Variants in FAS observed in about 807,000 individuals in gnomAD.
The protein encoded by FAS is Fas cell surface death receptor.
Under a neutral mutation model 33.2 loss-of-function variants are expected in FAS, and 5 were observed. The ratio of observed to expected loss-of-function variants is 0.15; its 90% confidence interval spans 0.08 to 0.32. The LOEUF is 0.32. Ranked by LOEUF, FAS falls within the 10% of genes least tolerant of loss-of-function variation. The pLI is 1.00. For synonymous variants in FAS, 131 were observed against 130.7 expected, an observed-to-expected ratio of 1.00 and a Z score of -0.01; for missense variants, 339 against 386.0, an observed-to-expected ratio of 0.88 and a Z score of 1.02.
chr10:89,013,276 C>A (rs1848620411), intron 7 of FAS, 67 bp from the exon 8 acceptor site: 1 of 1,477,418 alleles, frequency 6.8e-7, no homozygotes, highest in Non-Finnish European at 9.4e-7. Context: ...ATTAGAAGTT[C>A]ACATTTAGAA....
intron 1 of FAS, among the ~76,000 whole-genome samples, chr10:88,998,918 G>A (rs1239692915): frequency 6.6e-6 from 1 of 152,096 alleles, no homozygotes; most frequent in Non-Finnish European, 1.5e-5. Flanking sequence ...CACTTTGGGA[G>A]GCCGAGGCAG....
At chr10:89,010,343 G>T (rs1160786398) in intron 4 of FAS, among the ~76,000 whole-genome samples, 196 bp from the exon 5 acceptor site, 1 of 152,032 alleles carries the variant, frequency 6.6e-6, no homozygotes, top group Non-Finnish European at 1.5e-5. Context: ...CATTCCTTAT[G>T]ATATTTTTCA....
At chr10:89,017,046 CCATGTTTTCTTAA>C (rs1252276443) in exon 9 of FAS, 1 of 177,366 alleles carries the variant, frequency 5.6e-6, no homozygotes, top group African/African-American at 2.4e-5. Context: ...AAATATTAAA[CCATGTTTTCTTAA>C]CATCTGTTGC....
At chr10:88,978,983 ACCT>A (rs1846642614) in intron 2 of FAS, among the ~76,000 whole-genome samples, 1 of 151,796 alleles carries the variant, frequency 6.6e-6, no homozygotes, top group South Asian at 2.1e-4. Flanking sequence ...TCTATGAATT[ACCT>A]CCTTTCATCC....
intron 1 of FAS, among the ~76,000 whole-genome samples, chr10:89,001,397 T>C (rs1478587343): frequency 6.6e-6 from 1 of 151,984 alleles, no homozygotes; most frequent in Non-Finnish European, 1.5e-5. Context: ...TTTGGTTCCT[T>C]TTCAGATCCT....
rs1346855544 is a variant in FAS, at chr10:89,003,086, A to G, written c.88A>G (p.Ile30Val). 7.4e-6 allele frequency: 12 copies of G among 1,614,130 alleles called. No homozygotes were observed. Among genetic ancestry groups the G allele is most frequent in the African/African-American group, 1.3e-5 (1 of 75,050 alleles). Reference sequence around the variant, plus strand: ...AAGTGTTAATGCCCAAGTGACTGACATCAACTCCAAGGGATTGGAATTGAG... The same window carrying G: ...AAGTGTTAATGCCCAAGTGACTGACGTCAACTCCAAGGGATTGGAATTGAG... ...SKSVNAQVTD[I>V]NSKGLELRKT... The change falls in exon 2 of 9, where the codon ATC becomes GTC. Residue 30 changes from isoleucine to valine, a missense_variant. This residue lies in a region of FAS where 276 missense variants were observed against 300.1 expected (regional missense o/e 0.92). Coordinates refer to ENST00000652046, the MANE Select transcript of FAS (RefSeq NM_000043.6).
Position 89,012,018 on chromosome 10 carries a change from G to A in FAS, c.588G>A (p.Gln196=), listed in dbSNP as rs763620700. ...TTTCAGTGAAGAGAAAGGAAGTACA[G>A]AAAACATGCAGAAAGCACAGAAAGG... ...LIVWVKRKEV[Q]KTCRKHRKEN... Residue 196 remains glutamine (Q), a synonymous_variant, in exon 7 of 9, where the codon CAG becomes CAA. Coordinates refer to ENST00000652046, the MANE Select transcript of FAS (RefSeq NM_000043.6). 1.2e-6 allele frequency: 2 copies of A among 1,613,814 alleles called. No individual in the cohort carries two copies. The highest frequency in any genetic ancestry group is 1.3e-5 in the African/African-American group (1 of 74,932).
At chr10:88,964,874 C>T (rs142871810) in intron 1 of FAS, among the ~76,000 whole-genome samples, 147 of 152,162 alleles carry the variant, frequency 9.7e-4, no homozygotes, top group Non-Finnish European at 1.5e-3. Context: ...TTCTTTTGCC[C>T]GCCTGTTTTT....
At chr10:88,995,311 C>A (rs1847520685) in intron 1 of FAS, among the ~76,000 whole-genome samples, 1 of 152,160 alleles carries the variant, frequency 6.6e-6, no homozygotes, top group Non-Finnish European at 1.5e-5. Context: ...AAGCCCAAAT[C>A]AGAGAGAAAT....
In FAS at chr10:89,016,430, A is replaced by G. The variant is rs972821662; in HGVS notation, c.*1980A>G. ...GCAAGTTAGGTACTAGTTATTCTTC[A>G]TGGCCAGAAGTGCAAGTTCTACTTT... On this transcript the variant is annotated 3_prime_UTR_variant, in exon 9 of 9. Coordinates refer to ENST00000652046, the MANE Select transcript of FAS (RefSeq NM_000043.6). 4.5e-6 allele frequency: 1 copy of G among 221,194 alleles called. No homozygotes were observed. Among genetic ancestry groups the G allele is most frequent in the African/African-American group, 2.2e-5 (1 of 44,684 alleles). 13.7% of individuals were successfully genotyped at this position (221,194 alleles called of 1,614,324 possible).
Position 89,016,788 on chromosome 10 carries a change from G to C in FAS, c.*2338G>C, listed in dbSNP as rs1848823114. 2 of 220,106 alleles carry C rather than the reference G, an allele frequency of 9.1e-6. No individual in the cohort carries two copies. Among genetic ancestry groups the C allele is most frequent in the Non-Finnish European group, 1.8e-5 (2 of 109,816 alleles). 13.6% of individuals were successfully genotyped at this position (220,106 alleles called of 1,614,324 possible). On this transcript the variant is annotated 3_prime_UTR_variant, in exon 9 of 9. Coordinates refer to ENST00000652046, the MANE Select transcript of FAS (RefSeq NM_000043.6). ...AGGCTATTTGCAGAAGGAGCTCACA[G>C]ATCACATTGAAAGCATTGCATATTC...
intron 1 of FAS, chr10:88,973,113 C>G (rs1256952090): frequency 2.0e-6 from 3 of 1,471,210 alleles, no homozygotes; most frequent in African/African-American, 1.4e-5. Flanking sequence ...TTTTATTTTT[C>G]TATTTTAATT....
At chr10:88,972,382 G>A (rs941509300) in intron 1 of FAS, among the ~76,000 whole-genome samples, 3 of 152,244 alleles carry the variant, frequency 2.0e-5, no homozygotes, top group East Asian at 1.9e-4. Context: ...GGAGTTTTGA[G>A]AACAGGGAGT....
intron 1 of FAS, among the ~76,000 whole-genome samples, chr10:89,001,752 G>A (rs1304689505): frequency 6.6e-6 from 1 of 152,178 alleles, no homozygotes; most frequent in Non-Finnish European, 1.5e-5. Context: ...CGGATACAAA[G>A]AACAAATTTC....
At chr10:88,970,868 TAAAA>T (rs1299413821) in intron 1 of FAS, among the ~76,000 whole-genome samples, 1 of 146,978 alleles carries the variant, frequency 6.8e-6, no homozygotes, top group East Asian at 2.0e-4. Flanking sequence ...TAAAGTATAA[TAAAA>T]AAGTGTGTGT....
At chr10:89,012,149 T>C in intron 7 of FAS, 68 bp downstream of exon 7, 1 of 1,305,280 alleles carries the variant, frequency 7.7e-7, no homozygotes, top group Non-Finnish European at 1.1e-6. Context: ...TTTGGCTTTT[T>C]GTTACTTCCT....
chr10:88,973,284 A>T (rs1450636559), exon 2 of FAS: 1 of 1,612,310 alleles, frequency 6.2e-7, no homozygotes, highest in Admixed American at 1.7e-5. Context: ...GGGGATCTCT[A>T]GGTCATCATC....
At chr10:88,999,172 T>TAAATA (rs1417801847) in intron 1 of FAS, among the ~76,000 whole-genome samples, 1 of 143,974 alleles carries the variant, frequency 6.9e-6, no homozygotes, top group African/African-American at 2.7e-5. Flanking sequence ...AATAAATAAA[T>TAAATA]AAAATAAAAT....
intron 2 of FAS, chr10:88,974,335 T>A (rs1195299877): frequency 6.6e-6 from 1 of 151,994 alleles, no homozygotes. Flanking sequence ...TTCCCCAAAA[T>A]AGATGTCTAA....
Sources: allele counts gnomAD v4.1 joint callset (sites outside exome capture counted in the v4.1 genomes callset), GRCh38; gene constraint gnomAD v4.1.1; regional missense constraint gnomAD v4.1.1; transcripts MANE v1.5; gene names NCBI Gene and HGNC (gene_info 2026-07-23, HGNC 2026-07-21).